PTPRD: variants seen among roughly 807,000 people sequenced by gnomAD.
The protein encoded by PTPRD is protein tyrosine phosphatase receptor type D.
PTPRD carries 34 observed loss-of-function variants against 214.5 expected under a neutral mutation model. The observed-to-expected ratio is 0.16, with a 90% CI of 0.12 to 0.21. The LOEUF (loss-of-function observed/expected upper bound fraction) is 0.21. Among genes scored for constraint, PTPRD ranks in the 10% least tolerant of loss-of-function variants. The pLI, the probability that PTPRD is intolerant of heterozygous loss-of-function variation, is 1.00. For missense variants in PTPRD, 2,545 were observed against 2,398.7 expected (o/e 1.06, Z -1.27); for synonymous variants, 1,128 against 845.7 (o/e 1.33, Z -5.79).
At chr9:10,039,832 A>G (rs1372566125) in intron 3 of PTPRD, among the ~76,000 whole-genome samples, 1 of 152,110 alleles carries the variant, frequency 6.6e-6, no homozygotes, top group African/African-American at 2.4e-5. Context: ...AAATTTAAAG[A>G]TGAAAACAAT....
At chr9:9,131,036 A>T (rs1340749328) in intron 10 of PTPRD, among the ~76,000 whole-genome samples, 1 of 152,194 alleles carries the variant, frequency 6.6e-6, no homozygotes, top group Admixed American at 6.5e-5. Context: ...AAAAAAACAA[A>T]TCCGGTGCTT....
At chr9:9,944,359 AT>A (rs1267727686) in intron 4 of PTPRD, among the ~76,000 whole-genome samples, 1 of 152,246 alleles carries the variant, frequency 6.6e-6, no homozygotes, top group Middle Eastern at 3.4e-3. Flanking sequence ...TTCCATAAAC[AT>A]TTTTTGAGTA....
chr9:8,608,053 C>G (rs1450611339), intron 14 of PTPRD, among the ~76,000 whole-genome samples: 1 of 152,084 alleles, frequency 6.6e-6, no homozygotes, highest in African/African-American at 2.4e-5. Flanking sequence ...AATCCGATAA[C>G]CCAGTACACT....
intron 14 of PTPRD, among the ~76,000 whole-genome samples, chr9:8,586,469 T>C (rs1487502230): frequency 2.0e-5 from 3 of 152,208 alleles, no homozygotes; most frequent in Non-Finnish European, 4.4e-5. Context: ...TTCTTTGTGT[T>C]GTCCTTATTT....
In PTPRD at chr9:8,550,200, C is replaced by A. The variant is rs145992095; in HGVS notation, c.353-21421G>T. Among the ~76,000 whole-genome samples, 3 of 152,168 alleles carry A rather than the reference C, an allele frequency of 2.0e-5. No homozygotes were observed. In the East Asian group the frequency reaches 5.8e-4, roughly 29 times the overall value. On this transcript the variant is annotated intron_variant, in intron 14 of 45. Transcript: ENST00000381196. The stretch of plus-strand genomic sequence containing the variant: ...TTCTATTGGCTTATGATTGCTCTGG[C>A]CTTTTAAATAGGCCTACATTCCAAT...
chr9:9,467,637 A>G (rs2094302547), intron 8 of PTPRD, among the ~76,000 whole-genome samples: 1 of 146,832 alleles, frequency 6.8e-6, no homozygotes, highest in Non-Finnish European at 1.5e-5. Flanking sequence ...CGCATCTCTT[A>G]TCTTTCATAA....
chr9:10,528,739 G>C (rs2055135850), intron 2 of PTPRD, among the ~76,000 whole-genome samples: 1 of 152,068 alleles, frequency 6.6e-6, no homozygotes, highest in African/African-American at 2.4e-5. Flanking sequence ...TTCTTCTGAA[G>C]GCAGTTGAGA....
intron 3 of PTPRD, among the ~76,000 whole-genome samples, chr9:10,140,321 C>A (rs947795650): frequency 7.1e-6 from 1 of 141,778 alleles, no homozygotes; most frequent in Non-Finnish European, 1.5e-5. Flanking sequence ...AGAAAACAAT[C>A]ATTAATAAAA....
intron 3 of PTPRD, among the ~76,000 whole-genome samples, chr9:10,190,568 A>C (rs2099359329): frequency 6.6e-6 from 1 of 151,362 alleles, no homozygotes; most frequent in African/African-American, 2.4e-5. Flanking sequence ...AAATACAAAA[A>C]CTACCCATGT....
chr9:10,024,983 G>A (rs1179849757), intron 4 of PTPRD, among the ~76,000 whole-genome samples: 1 of 151,762 alleles, frequency 6.6e-6, no homozygotes, highest in Non-Finnish European at 1.5e-5. Context: ...TGGATGCATA[G>A]TATTCCATGG....
chr9:8,766,633 G>C (rs1391478442), intron 11 of PTPRD, among the ~76,000 whole-genome samples: 2 of 152,128 alleles, frequency 1.3e-5, no homozygotes, highest in African/African-American at 4.8e-5. Flanking sequence ...TGGTGGGAAA[G>C]GACACTTCTT....
chr9:9,967,846 G>C (rs2094815055), intron 4 of PTPRD, among the ~76,000 whole-genome samples: 1 of 152,068 alleles, frequency 6.6e-6, no homozygotes, highest in Non-Finnish European at 1.5e-5. Context: ...TACCATACCT[G>C]AGAAATAGCA....
intron 3 of PTPRD, among the ~76,000 whole-genome samples, chr9:10,078,988 CT>C (rs934222281): frequency 6.6e-6 from 1 of 151,906 alleles, no homozygotes. Flanking sequence ...ATGAGTAGAA[CT>C]TTTTTTTCTT....
chr9:10,367,882 G>A (rs2097543254), intron 2 of PTPRD, among the ~76,000 whole-genome samples: 1 of 152,054 alleles, frequency 6.6e-6, no homozygotes, highest in African/African-American at 2.4e-5. Context: ...ATAAAAAAGG[G>A]TTAAGAAAAT....
chr9:9,453,249 T>A (rs2092515702), intron 8 of PTPRD, among the ~76,000 whole-genome samples: 1 of 151,640 alleles, frequency 6.6e-6, no homozygotes. Context: ...ATCATGTAGT[T>A]ACATGCTTAA....
intron 2 of PTPRD, among the ~76,000 whole-genome samples, chr9:10,456,090 G>T (rs1450810838): frequency 6.6e-6 from 1 of 151,808 alleles, no homozygotes; most frequent in Non-Finnish European, 1.5e-5. Context: ...ACATAAAGAT[G>T]AAATACACAG....
chr9:8,512,745 T>C (rs1436790870), intron 21 of PTPRD, among the ~76,000 whole-genome samples: 1 of 152,006 alleles, frequency 6.6e-6, no homozygotes, highest in Non-Finnish European at 1.5e-5. Context: ...ATCTATTAAA[T>C]GAATAGATGT....
chr9:8,483,222 C>A (rs1257175640), intron 30 of PTPRD, among the ~76,000 whole-genome samples: 2 of 152,204 alleles, frequency 1.3e-5, no homozygotes, highest in Non-Finnish European at 2.9e-5. Context: ...GTGCTACATT[C>A]AAACCAGAAA....
chr9:9,515,885 G>T (rs1243901793), intron 8 of PTPRD, among the ~76,000 whole-genome samples: 1 of 152,028 alleles, frequency 6.6e-6, no homozygotes, highest in Middle Eastern at 3.2e-3. Context: ...AAAGAGAATT[G>T]TATTATAAGG....
Sources: allele counts gnomAD v4.1 joint callset (sites outside exome capture counted in the v4.1 genomes callset), GRCh38; gene constraint gnomAD v4.1.1; transcripts MANE v1.5; gene names NCBI Gene and HGNC (gene_info 2026-07-23, HGNC 2026-07-21).